HEATR5B: variants seen among roughly 807,000 people sequenced by gnomAD.
HEATR5B encodes HEAT repeat containing 5B, also known as HEAT repeat-containing protein 5B.
HEATR5B carries 156 observed loss-of-function variants against 224.1 expected under a neutral mutation model. The observed-to-expected ratio is 0.70, with a 90% CI of 0.61 to 0.80. The LOEUF (loss-of-function observed/expected upper bound fraction) is 0.80. Among genes scored for constraint, HEATR5B ranks in the 30% least tolerant of loss-of-function variants. The pLI, the probability that HEATR5B is intolerant of heterozygous loss-of-function variation, is 0.00. For synonymous variants in HEATR5B, 1,027 were observed against 893.0 expected (o/e 1.15, Z -2.68); for missense variants, 2,323 against 2,535.5 (o/e 0.92, Z 1.80).
chr2:37,079,129 G>A lies in HEATR5B; in HGVS notation c.329C>T (p.Pro110Leu), dbSNP rs759581874. ...RNKDDTAAYL[P>L]TKLAAVACVG... ...TAAAGTAAGTACTTACAATTTTGTT[G>A]GTAAGTAGGCCGCAGTGTCATCTTT... The change falls in exon 3 of 36, where the codon CCA (proline) becomes CTA (leucine). Residue 110 changes from proline to leucine, a missense_variant. Transcript: ENST00000233099. 6.3e-7 allele frequency: 1 copy of A among 1,587,750 alleles called. No homozygotes were observed. The highest frequency in any genetic ancestry group is 1.1e-5 in the South Asian group (1 of 88,700).
At chr2:37,034,959 T>G (rs1388239876) in intron 21 of HEATR5B, among the ~76,000 whole-genome samples, 1 of 152,222 alleles carries the variant, frequency 6.6e-6, no homozygotes, top group Non-Finnish European at 1.5e-5. Context: ...TCATATCACA[T>G]GGGAAGAACA....
intron 35 of HEATR5B, among the ~76,000 whole-genome samples, chr2:36,984,257 GTTAT>G (rs1190780225): frequency 7.6e-6 from 1 of 131,208 alleles, no homozygotes; most frequent in Non-Finnish European, 1.6e-5. Flanking sequence ...AAAAATATAA[GTTAT>G]TTAAGTATTC....
intron 24 of HEATR5B, among the ~76,000 whole-genome samples, chr2:37,022,470 C>G (rs1276551970): frequency 6.6e-6 from 1 of 152,208 alleles, no homozygotes. Flanking sequence ...AGCCACCATG[C>G]CTGGGCTCAG....
In HEATR5B at chr2:37,058,993, T is replaced by C. The variant is rs1181538013; in HGVS notation, c.1850-6A>G. 1 of 1,574,882 alleles carries C rather than the reference T, an allele frequency of 6.3e-7. No individual in the cohort carries two copies. Among genetic ancestry groups the C allele is most frequent in the South Asian group, 1.1e-5 (1 of 87,344 alleles). ...TGCAACGAAGCTCCTCATGGCTAGA[T>C]AAAATGTTTAAAAGGACAGATTTGG... On this transcript the variant is annotated splice_polypyrimidine_tract_variant and splice_region_variant and intron_variant, in intron 12 of 35. Coordinates refer to ENST00000233099, the MANE Select transcript of HEATR5B (RefSeq NM_019024.3).
At chr2:37,074,523 C>G (rs537014109) in intron 5 of HEATR5B, among the ~76,000 whole-genome samples, 1 of 152,060 alleles carries the variant, frequency 6.6e-6, no homozygotes, top group Admixed American at 6.6e-5. Context: ...AGATACAACA[C>G]CAAAAGCACA....
At chr2:37,009,206 C>A (rs1315908963) in intron 27 of HEATR5B, among the ~76,000 whole-genome samples, 1 of 141,748 alleles carries the variant, frequency 7.1e-6, no homozygotes, top group African/African-American at 2.6e-5. Flanking sequence ...TGCAGTGAGC[C>A]GAGATCGCGC....
At chr2:37,048,865 T>C (rs968831556) in intron 18 of HEATR5B, among the ~76,000 whole-genome samples, 1 of 152,220 alleles carries the variant, frequency 6.6e-6, no homozygotes, top group African/African-American at 2.4e-5. Context: ...TAGGCAATAA[T>C]TCAGAAAATA....
At chr2:37,003,474 GTTAATATT>G in intron 31 of HEATR5B, 60 bp downstream of exon 31, 1 of 1,157,334 alleles carries the variant, frequency 8.6e-7, no homozygotes, top group Non-Finnish European at 1.2e-6. Flanking sequence ...ATGTCCTGGC[GTTAATATT>G]TTAAAAATTA....
chr2:37,047,310 AATT>A (rs1296915633), intron 18 of HEATR5B, among the ~76,000 whole-genome samples: 1 of 152,204 alleles, frequency 6.6e-6, no homozygotes, highest in Non-Finnish European at 1.5e-5. Flanking sequence ...CTCTAAGTGA[AATT>A]ATTATTATTC....
chr2:37,037,906 G>A lies in HEATR5B; in HGVS notation c.3165C>T (p.His1055=). 1 of 1,601,222 alleles carries A rather than the reference G, an allele frequency of 6.2e-7. No homozygotes were observed. The highest frequency in any genetic ancestry group is 8.5e-7 in the Non-Finnish European group (1 of 1,171,930). Residue 1055 remains histidine, a synonymous_variant, in exon 21 of 36, where the codon CAC becomes CAT. Transcript: ENST00000233099. ...GATTGACATGTCGTGGTGCAAACAT[G>A]TGAAGCTGCTGAAGGCAAGATATGG... ...AAAISCLQQL[H]MFAPRHVNLS...
chr2:36,992,065 G>A (rs1666368670), intron 33 of HEATR5B, among the ~76,000 whole-genome samples: 1 of 152,110 alleles, frequency 6.6e-6, no homozygotes, highest in Non-Finnish European at 1.5e-5. Flanking sequence ...GGGCATGGTG[G>A]CACACGCCTG....
chr2:37,004,476 T>C (rs1667286621), intron 30 of HEATR5B, among the ~76,000 whole-genome samples: 1 of 151,744 alleles, frequency 6.6e-6, no homozygotes, highest in African/African-American at 2.4e-5. Context: ...CAGATCCTTT[T>C]ATCTACCCTA....
intron 5 of HEATR5B, among the ~76,000 whole-genome samples, chr2:37,073,362 T>C (rs916056316): frequency 3.9e-5 from 6 of 152,176 alleles, no homozygotes; most frequent in African/African-American, 1.4e-4. Flanking sequence ...ATCATCTCAA[T>C]AGATGCTGAA....
At chr2:36,992,967 C>A (rs1379702927) in intron 33 of HEATR5B, among the ~76,000 whole-genome samples, 1 of 152,190 alleles carries the variant, frequency 6.6e-6, no homozygotes, top group Admixed American at 6.5e-5. Flanking sequence ...TAAAGCAACC[C>A]TCCCACCTTG....
At chr2:37,027,392 A>G (rs572544641) in intron 24 of HEATR5B, among the ~76,000 whole-genome samples, 2 of 152,320 alleles carry the variant, frequency 1.3e-5, no homozygotes, top group African/African-American at 4.8e-5. Flanking sequence ...GATACATGGT[A>G]TAAAAAGTTT....
chr2:37,069,152 T>A (rs543743721), intron 7 of HEATR5B, among the ~76,000 whole-genome samples: 1 of 152,102 alleles, frequency 6.6e-6, no homozygotes, highest in East Asian at 1.9e-4. Flanking sequence ...AACAACTTCA[T>A]GAAGAACACA....
chr2:36,988,176 C>G, intron 35 of HEATR5B, among the ~76,000 whole-genome samples: 1 of 151,424 alleles, frequency 6.6e-6, no homozygotes, highest in East Asian at 1.9e-4. Context: ...ATGCCATTGG[C>G]AATTCATTTG....
At chr2:37,046,143 C>A (rs1003988948) in intron 18 of HEATR5B, among the ~76,000 whole-genome samples, 1 of 152,102 alleles carries the variant, frequency 6.6e-6, no homozygotes, top group African/African-American at 2.4e-5. Context: ...TGAAGAAATA[C>A]TTTTTTAAGC....
rs1246654677 is a variant in HEATR5B, at chr2:37,008,498, C to T, written c.4522+113G>A. On this transcript the variant is annotated intron_variant, in intron 28 of 35. Coordinates refer to ENST00000233099, the MANE Select transcript of HEATR5B (RefSeq NM_019024.3). ...CTGAGACAACATCAAACTTAAGCCA[C>T]AGAAATTTAAACTGTTACTATAGCA... 4.0e-6 allele frequency: 3 copies of T among 754,112 alleles called. No individual in the cohort carries two copies. The Admixed American group carries it at 6.3e-5, about 16-fold the overall frequency. The allele number at this position is 754,112 out of a possible 1,614,324, so 46.7% of individuals were successfully genotyped here.
Sources: gnomAD v4.1 joint callset for allele counts (sites outside exome capture counted in the v4.1 genomes callset) on GRCh38, gnomAD v4.1.1 for gene constraint, MANE v1.5 for transcripts, NCBI Gene and HGNC (gene_info 2026-07-23, HGNC 2026-07-21) for gene names.